ADCY8: variants seen among roughly 807,000 people sequenced by gnomAD.
ADCY8 encodes the protein adenylate cyclase type 8.
A neutral mutation model predicts 119.7 loss-of-function variants in ADCY8; 51 were observed. That is an observed-to-expected ratio of 0.43 (90% CI 0.34 to 0.54). ADCY8 has a LOEUF of 0.54. ADCY8 is among the 20% of genes least tolerant of loss of function. The pLI, the probability that ADCY8 is intolerant of heterozygous loss-of-function variation, is 0.03. For synonymous variants in ADCY8, 665 were observed against 651.0 expected, an observed-to-expected ratio of 1.02 and a Z score of -0.33; for missense variants, 1,383 against 1,598.8, an observed-to-expected ratio of 0.87 and a Z score of 2.30.
At position 131,039,434 on chromosome 8, in the gene ADCY8, C is replaced by A. The variant is rs758913349; in HGVS notation, c.900G>T (p.Ser300=). The change falls in exon 1 of 18, where the codon TCG becomes TCT. Residue 300 remains serine (S), a synonymous_variant. Coordinates refer to ENST00000286355, the MANE Select transcript of ADCY8 (RefSeq NM_001115.3). ...CCACTTGGAGGATGACCTGCAGCAG[C>A]GAGGTGCCCAGGCCGGCCAGGATGG... ...TWAILAGLGT[S]LLQVILQVVI... The A allele has an allele frequency of 1.4e-5, 22 of 1,614,156 alleles. No homozygotes were observed. The East Asian group carries it at 4.2e-4, about 31-fold the overall frequency.
chr8:130,813,950 C>G, intron 14 of ADCY8, 119 bp downstream of exon 14: 2 of 1,277,548 alleles, frequency 1.6e-6, no homozygotes, highest in Non-Finnish European at 2.2e-6. Flanking sequence ...AGGAGTTTCT[C>G]CATTCTCATG....
intron 11 of ADCY8, among the ~76,000 whole-genome samples, chr8:130,837,681 A>G (rs536375425): frequency 2.1e-4 from 32 of 152,304 alleles, no homozygotes; most frequent in African/African-American, 7.5e-4. Context: ...ATCATTCTGG[A>G]TGGTGGGTTC....
At chr8:130,947,936 C>A (rs966881884) in intron 3 of ADCY8, among the ~76,000 whole-genome samples, 3 of 152,118 alleles carry the variant, frequency 2.0e-5, no homozygotes, top group Non-Finnish European at 2.9e-5. Context: ...CTGTTCCCAG[C>A]CCACTTTGTT....
Position 131,040,101 on chromosome 8 carries a change from TGGTTGGGGCCGCCGCCCGCAG to T in ADCY8, c.212_232del (p.Pro71_Asn77del), listed in dbSNP as rs746274733. ...GTCGCCTGACAGCTGCGGCGCGTGG[TGGTTGGGGCCGCCGCCCGCAG>T]GGTCCGAGGCTTTGCCCGAGCCTCC... On this transcript the variant is annotated inframe_deletion, in exon 1 of 18. Transcript: ENST00000286355. The T allele has an allele frequency of 6.5e-7, 1 of 1,527,028 alleles. No homozygotes were observed. Among genetic ancestry groups the T allele is most frequent in the Non-Finnish European group, 8.7e-7 (1 of 1,143,538 alleles). The allele number at this position is 1,527,028 out of a possible 1,614,324, so 94.6% of individuals were successfully genotyped here.
intron 13 of ADCY8, among the ~76,000 whole-genome samples, chr8:130,819,951 T>A (rs1442910234): frequency 6.6e-6 from 1 of 152,204 alleles, no homozygotes; most frequent in Non-Finnish European, 1.5e-5. Flanking sequence ...CCCAGTGAAG[T>A]AGAAAGGGGA....
chr8:131,018,593 CACTT>C (rs1190582645), intron 1 of ADCY8, among the ~76,000 whole-genome samples: 5 of 152,204 alleles, frequency 3.3e-5, no homozygotes, highest in African/African-American at 9.6e-5. Flanking sequence ...TGACAGGTAA[CACTT>C]ACAGGCTTGG....
intron 5 of ADCY8, among the ~76,000 whole-genome samples, chr8:130,915,660 C>T (rs573745446): frequency 7.2e-5 from 11 of 152,244 alleles, no homozygotes; most frequent in African/African-American, 2.6e-4. Flanking sequence ...CTGGTGGATA[C>T]TGAACACTCA....
At chr8:130,858,491 G>A (rs72712487) in intron 9 of ADCY8, among the ~76,000 whole-genome samples, 14,040 of 152,072 alleles carry the variant, frequency 0.092, 694 homozygotes, top group African/African-American at 0.11. Context: ...GACCACAGAG[G>A]TTATATGCCA....
At chr8:130,921,798 C>T (rs928998718) in intron 5 of ADCY8, among the ~76,000 whole-genome samples, 3 of 152,036 alleles carry the variant, frequency 2.0e-5, no homozygotes, top group Non-Finnish European at 4.4e-5. Flanking sequence ...TTTATATAAT[C>T]ATTTCCGTAC....
intron 10 of ADCY8, among the ~76,000 whole-genome samples, chr8:130,848,585 C>T (rs575945520): frequency 2.0e-5 from 3 of 152,152 alleles, no homozygotes; most frequent in Non-Finnish European, 4.4e-5. Context: ...AAGTCACAGG[C>T]CAACAATTGT....
intron 1 of ADCY8, among the ~76,000 whole-genome samples, chr8:131,037,703 A>C (rs909906505): frequency 5.3e-5 from 8 of 152,316 alleles, no homozygotes; most frequent in African/African-American, 1.9e-4. Flanking sequence ...AAGATCTGCT[A>C]ATGTCTATGT....
intron 2 of ADCY8, among the ~76,000 whole-genome samples, chr8:130,968,900 A>C (rs1821843061): frequency 1.3e-5 from 2 of 152,154 alleles, no homozygotes; most frequent in South Asian, 4.1e-4. Flanking sequence ...CCCCTTTGGA[A>C]AAAATCTTTC....
chr8:131,034,386 A>G (rs537992019), intron 1 of ADCY8, among the ~76,000 whole-genome samples: 3 of 152,234 alleles, frequency 2.0e-5, no homozygotes, highest in East Asian at 1.9e-4. Flanking sequence ...TTTAAGTCAC[A>G]TAGAAAGTCA....
chr8:130,829,579 G>T (rs1816768292), intron 12 of ADCY8, among the ~76,000 whole-genome samples: 1 of 151,872 alleles, frequency 6.6e-6, no homozygotes, highest in African/African-American at 2.4e-5. Context: ...GTCTAAACAT[G>T]TTGTAGATGG....
chr8:130,881,426 G>A (rs1441172662), intron 8 of ADCY8, among the ~76,000 whole-genome samples: 1 of 152,136 alleles, frequency 6.6e-6, no homozygotes, highest in African/African-American at 2.4e-5. Flanking sequence ...TTTCATAAAG[G>A]TGGAAAGGCA....
intron 11 of ADCY8, among the ~76,000 whole-genome samples, chr8:130,838,148 A>G (rs1262105779): frequency 2.0e-5 from 3 of 152,176 alleles, no homozygotes; most frequent in Non-Finnish European, 4.4e-5. Flanking sequence ...TAATTTATGC[A>G]TCCTTTCAAC....
At chr8:131,037,878 G>T (rs1265743971) in intron 1 of ADCY8, among the ~76,000 whole-genome samples, 1 of 152,186 alleles carries the variant, frequency 6.6e-6, no homozygotes, top group Non-Finnish European at 1.5e-5. Flanking sequence ...ATGTAGATAT[G>T]AAGGTTCATG....
chr8:130,870,319 T>C (rs1818307665), intron 8 of ADCY8, among the ~76,000 whole-genome samples: 1 of 152,094 alleles, frequency 6.6e-6, no homozygotes, highest in Non-Finnish European at 1.5e-5. Context: ...GCTCTTTTCT[T>C]CTTTTATGTC....
chr8:131,018,263 C>T (rs1022969465), intron 1 of ADCY8, among the ~76,000 whole-genome samples: 13 of 152,184 alleles, frequency 8.5e-5, no homozygotes, highest in African/African-American at 2.9e-4. Context: ...TTAAAATACA[C>T]TACCTTGAAG....
Sources: allele counts gnomAD v4.1 joint callset (sites outside exome capture counted in the v4.1 genomes callset), GRCh38; gene constraint gnomAD v4.1.1; transcripts MANE v1.5; gene names NCBI Gene and HGNC (gene_info 2026-07-23, HGNC 2026-07-21).